MADD: variants seen among roughly 807,000 people sequenced by gnomAD.
MADD encodes the protein MAP kinase-activating death domain protein.
In MADD, 109 loss-of-function variants were observed where a neutral mutation model predicts 176.7. The ratio of observed to expected loss-of-function variants is 0.62; its 90% confidence interval spans 0.53 to 0.72. MADD has a LOEUF of 0.72. Among genes scored for constraint, MADD ranks in the 30% least tolerant of loss-of-function variants. The pLI, the probability that MADD is intolerant of heterozygous loss-of-function variation, is 0.00. For missense variants in MADD, 1,914 were observed against 2,045.5 expected (o/e 0.94, Z 1.24); for synonymous variants, 771 against 771.3 (o/e 1.00, Z 0.01).
intron 22 of MADD, among the ~76,000 whole-genome samples, chr11:47,300,206 CTT>C (rs777080143): frequency 1.7e-4 from 22 of 130,336 alleles, no homozygotes; most frequent in Non-Finnish European, 2.3e-4. Context: ...TTTTTTCTTT[CTT>C]TTTTTTTTTT....
rs528682674 is a variant in MADD, at chr11:47,316,125, T to TGCG, written c.4197+799_4197+801dup. The stretch of plus-strand genomic sequence containing the variant: ...TGCTGGGATTACAGGTGTGAGCCAC[T>TGCG]GCGCCCGGCCCCATTTCTTTTATAC... On this transcript the variant is annotated intron_variant, in intron 27 of 32. Coordinates refer to ENST00000402192, the Ensembl canonical transcript of MADD. 7.1e-4 allele frequency among the ~76,000 whole-genome samples: 108 copies of TGCG among 152,062 alleles called. 2 individuals carry two copies. The South Asian group carries it at 0.022, about 31-fold the overall frequency.
At chr11:47,310,646 C>T (rs913375280) in intron 25 of MADD, among the ~76,000 whole-genome samples, 1 of 151,858 alleles carries the variant, frequency 6.6e-6, no homozygotes, top group African/African-American at 2.4e-5. Context: ...TGGCTCATGC[C>T]TGTAATCCAA....
intron 15 of MADD, 129 bp downstream of exon 15, chr11:47,286,663 G>A (rs538942326): frequency 1.5e-6 from 1 of 657,378 alleles, no homozygotes; most frequent in South Asian, 1.9e-5. Context: ...TGCTCCTCAT[G>A]GCTTTCACCG....
At chr11:47,292,617 C>A in intron 19 of MADD, 21 bp downstream of exon 21, 2 of 1,613,686 alleles carry the variant, frequency 1.2e-6, no homozygotes, top group Non-Finnish European at 1.7e-6. Context: ...AATGCCCTTT[C>A]CTGTTCCCAA....
At chr11:47,289,000 A>AGAT in intron 15 of MADD, 1 of 1,596,632 alleles carries the variant, frequency 6.3e-7, no homozygotes, top group South Asian at 1.1e-5. Flanking sequence ...GGAGATTGTT[A>AGAT]CTGAAGCCGG....
chr11:47,285,154 A>T (rs371995837), exon 13 of MADD: 1 of 1,614,104 alleles, frequency 6.2e-7, no homozygotes. Flanking sequence ...GCAGGGGGAA[A>T]GTTACACTCC....
At chr11:47,289,761 T>A (rs2063658870) in intron 16 of MADD, 106 bp from the exon 18 acceptor site, 1 of 1,293,256 alleles carries the variant, frequency 7.7e-7, no homozygotes, top group African/African-American at 1.5e-5. Context: ...TTCAGAGACA[T>A]GGCTTTGTGT....
At position 47,295,894 on chromosome 11, in the gene MADD, C is replaced by T. The variant is rs771008706; in HGVS notation, c.3484-3C>T. ...GTCTCTTACTACCTTTTTTCCTTTC[C>T]AGGTGAGTAATAGCTCTGGAGAGAC... is the stretch of plus-strand genomic sequence containing the variant. On this transcript the variant is annotated splice_polypyrimidine_tract_variant and splice_region_variant and intron_variant, in intron 21 of 32. Transcript: ENST00000402192. 6.2e-7 allele frequency: 1 copy of T among 1,605,530 alleles called. No homozygotes were observed. The highest frequency in any genetic ancestry group is 1.1e-5 in the South Asian group (1 of 89,298).
intron 15 of MADD, 142 bp downstream of exon 15, chr11:47,286,676 C>T: frequency 1.6e-6 from 1 of 632,494 alleles, no homozygotes; most frequent in South Asian, 1.9e-5. Flanking sequence ...TTTCACCGCA[C>T]ATCCTGGGCT....
intron 15 of MADD, among the ~76,000 whole-genome samples, chr11:47,287,278 C>T (rs1195638923): frequency 6.6e-6 from 1 of 152,124 alleles, no homozygotes; most frequent in Non-Finnish European, 1.5e-5. Context: ...GCCGAGGTCG[C>T]GCCACTGCAC....
intron 27 of MADD, among the ~76,000 whole-genome samples, chr11:47,316,837 G>C (rs1392438216): frequency 1.3e-5 from 2 of 151,892 alleles, no homozygotes; most frequent in African/African-American, 4.8e-5. Context: ...TCTGCCCCTT[G>C]GGTTCAAGTG....
chr11:47,275,718 C>T (rs897601597), intron 3 of MADD, among the ~76,000 whole-genome samples, 181 bp from the exon 4 acceptor site: 1 of 152,228 alleles, frequency 6.6e-6, no homozygotes, highest in East Asian at 1.9e-4. Flanking sequence ...CAGTATATAT[C>T]TTTACATTTG....
At chr11:47,279,878 C>T (rs992993009) in intron 7 of MADD, among the ~76,000 whole-genome samples, 9 of 151,852 alleles carry the variant, frequency 5.9e-5, no homozygotes, top group African/African-American at 1.7e-4. Flanking sequence ...GAAGACCAGC[C>T]TGGCCATTAT....
chr11:47,308,591 G>T, exon 23 of MADD: 1 of 1,613,264 alleles, frequency 6.2e-7, no homozygotes, highest in South Asian at 1.1e-5. Context: ...TTCTCTCTAG[G>T]GTAAAGCCCA....
chr11:47,327,125 A>G (rs1366682633), intron 31 of MADD: 33 of 1,080,968 alleles, frequency 3.1e-5, no homozygotes, highest in Middle Eastern at 8.5e-4. Flanking sequence ...GGGACACAGC[A>G]GACTGGCGAC....
chr11:47,328,463 G>A, intron 31 of MADD, 195 bp from the exon 36 acceptor site: 2 of 1,453,204 alleles, frequency 1.4e-6, no homozygotes, highest in South Asian at 1.5e-5. Flanking sequence ...CTAGGGCCAT[G>A]TCCTCCCAGC....
exon 8 of MADD, chr11:47,281,604 G>A: frequency 6.2e-7 from 1 of 1,612,326 alleles, no homozygotes; most frequent in Non-Finnish European, 8.5e-7. Context: ...TCAACACCCA[G>A]CCCATCCTCA....
chr11:47,290,348 T>G (rs1365563807), intron 18 of MADD, 49 bp downstream of exon 19: 1 of 1,596,142 alleles, frequency 6.3e-7, no homozygotes, highest in Admixed American at 1.7e-5. Flanking sequence ...CTCTGCCACT[T>G]GTCTCCTGAA....
At chr11:47,273,110 AATT>A (rs1297877422) in intron 1 of MADD, among the ~76,000 whole-genome samples, 1 of 152,194 alleles carries the variant, frequency 6.6e-6, no homozygotes, top group African/African-American at 2.4e-5. Flanking sequence ...GAAACAGAAT[AATT>A]AAGTTTCCAT....
Sources: gnomAD v4.1 joint callset for allele counts (sites outside exome capture counted in the v4.1 genomes callset) on GRCh38, gnomAD v4.1.1 for gene constraint, MANE v1.5 for transcripts, NCBI Gene and HGNC (gene_info 2026-07-23, HGNC 2026-07-21) for gene names.